The following MPP7 variants were observed in gnomAD, a reference collection of about 807,000 sequenced individuals.
MPP7 encodes the protein MAGUK p55 scaffold protein 7.
Under a neutral mutation model 76.5 loss-of-function variants are expected in MPP7, and 60 were observed. That is an observed-to-expected ratio of 0.78 (90% CI 0.64 to 0.97). The LOEUF is 0.97. Among genes scored for constraint, MPP7 ranks in the 50% least tolerant of loss-of-function variants. The pLI is 0.00. For missense variants in MPP7, 641 were observed against 694.0 expected (o/e 0.92, Z 0.86); for synonymous variants, 237 against 244.5 (o/e 0.97, Z 0.29).
chr10:28,272,317 G>A (rs1430564717), intron 1 of MPP7, among the ~76,000 whole-genome samples: 1 of 152,092 alleles, frequency 6.6e-6, no homozygotes, highest in Admixed American at 6.6e-5. Flanking sequence ...ATTTACACAG[G>A]TGTGTCCAAT....
At chr10:28,238,447 A>G in intron 2 of MPP7, 121 bp downstream of exon 2, 3 of 1,007,518 alleles carry the variant, frequency 3.0e-6, no homozygotes, top group Admixed American at 2.0e-5. Flanking sequence ...TTATGTCCCT[A>G]GTGTTGGTGA....
At chr10:28,279,244 A>G (rs1840595579) in intron 1 of MPP7, among the ~76,000 whole-genome samples, 1 of 152,050 alleles carries the variant, frequency 6.6e-6, no homozygotes, top group African/African-American at 2.4e-5. Flanking sequence ...GAAGCTACTA[A>G]AAGTTCTCCC....
chr10:28,211,398 C>T (rs1376250398), intron 2 of MPP7, among the ~76,000 whole-genome samples: 1 of 151,994 alleles, frequency 6.6e-6, no homozygotes. Context: ...TTTAGATACT[C>T]TGATGCTTTG....
At chr10:28,127,573 C>T (rs1438497260) in intron 6 of MPP7, among the ~76,000 whole-genome samples, 1 of 152,130 alleles carries the variant, frequency 6.6e-6, no homozygotes, top group Non-Finnish European at 1.5e-5. Flanking sequence ...AGAGCTTGTG[C>T]AGGGAAACTC....
At chr10:28,129,362 G>T (rs1835120749) in intron 6 of MPP7, among the ~76,000 whole-genome samples, 1 of 151,974 alleles carries the variant, frequency 6.6e-6, no homozygotes, top group African/African-American at 2.4e-5. Flanking sequence ...ACAGAGTATG[G>T]AGAATTTCAA....
intron 5 of MPP7, among the ~76,000 whole-genome samples, chr10:28,141,517 TTAC>T (rs1173528374): frequency 1.3e-5 from 2 of 152,122 alleles, no homozygotes; most frequent in African/African-American, 4.8e-5. Flanking sequence ...ATTAACATGT[TTAC>T]TGTATAGAAA....
At chr10:28,307,979 C>A (rs1841268469), upstream of MPP7, among the ~76,000 whole-genome samples, 1 of 152,168 alleles carries the variant, frequency 6.6e-6, no homozygotes, top group Admixed American at 6.5e-5. Context: ...TTCTTAGAGA[C>A]CTGTACTTGA....
At chr10:28,233,969 A>T (rs1213782765) in intron 2 of MPP7, among the ~76,000 whole-genome samples, 1 of 151,936 alleles carries the variant, frequency 6.6e-6, no homozygotes, top group Non-Finnish European at 1.5e-5. Flanking sequence ...GAGAGGAAGG[A>T]GGAGAGAAAA....
chr10:28,307,718 T>A (rs1188139370), upstream of MPP7: 1 of 152,210 alleles, frequency 6.6e-6, no homozygotes, highest in Non-Finnish European at 1.5e-5. Context: ...TCAAGCTTCA[T>A]TCACAGTTAA....
intron 12 of MPP7, among the ~76,000 whole-genome samples, chr10:28,089,009 C>T (rs1183412819): frequency 1.3e-5 from 2 of 152,048 alleles, no homozygotes; most frequent in East Asian, 1.9e-4. Context: ...CTGAGTAGCT[C>T]GGACTACAGG....
chr10:28,118,578 T>TTC, intron 11 of MPP7: 1 of 985,400 alleles, frequency 1.0e-6, no homozygotes, highest in Non-Finnish European at 1.2e-6. Context: ...GTCATCACGC[T>TTC]TAAGAACAGT....
At chr10:28,079,426 G>A (rs957217998) in intron 12 of MPP7, among the ~76,000 whole-genome samples, 2 of 151,678 alleles carry the variant, frequency 1.3e-5, no homozygotes, top group Admixed American at 6.6e-5. Context: ...GCTGAGACAG[G>A]AAGATCACCT....
chr10:28,303,837 A>G (rs533996187), upstream of MPP7, among the ~76,000 whole-genome samples: 1 of 152,312 alleles, frequency 6.6e-6, no homozygotes, highest in Admixed American at 6.5e-5. Context: ...CAGCTCTCTT[A>G]AAGAACTTTA....
intron 11 of MPP7, among the ~76,000 whole-genome samples, chr10:28,091,592 A>G (rs1165692895): frequency 6.6e-6 from 1 of 152,172 alleles, no homozygotes; most frequent in East Asian, 1.9e-4. Context: ...CCAGCCATAG[A>G]TATCTTTTTT....
intron 1 of MPP7, among the ~76,000 whole-genome samples, chr10:28,269,236 G>T (rs532099325): frequency 6.6e-6 from 1 of 152,312 alleles, no homozygotes; most frequent in East Asian, 1.9e-4. Context: ...CTCCAGCAAA[G>T]AATAGAAAAG....
At chr10:28,267,125 C>T (rs1840172126) in intron 1 of MPP7, among the ~76,000 whole-genome samples, 1 of 152,174 alleles carries the variant, frequency 6.6e-6, no homozygotes, top group South Asian at 2.1e-4. Flanking sequence ...TATTGAAACA[C>T]AGCCAAGTTC....
intron 2 of MPP7, among the ~76,000 whole-genome samples, chr10:28,206,413 AATT>A (rs1192042669): frequency 7.9e-5 from 12 of 152,058 alleles, no homozygotes; most frequent in Admixed American, 2.0e-4. Context: ...ATACCTAATT[AATT>A]ATTAACATCT....
chr10:28,228,443 C>T (rs969532739), intron 2 of MPP7, among the ~76,000 whole-genome samples: 4 of 152,098 alleles, frequency 2.6e-5, no homozygotes, highest in Admixed American at 6.6e-5. Context: ...ACAACTTGAA[C>T]ATGGGCCAAA....
At chr10:28,190,472 C>T (rs1312978027) in intron 3 of MPP7, among the ~76,000 whole-genome samples, 6 of 152,180 alleles carry the variant, frequency 3.9e-5, no homozygotes, top group Non-Finnish European at 8.8e-5. Flanking sequence ...AACCATACAG[C>T]ATGTGCTTTC....
Sources: allele counts gnomAD v4.1 joint callset (sites outside exome capture counted in the v4.1 genomes callset), GRCh38; gene constraint gnomAD v4.1.1; transcripts MANE v1.5; gene names NCBI Gene and HGNC (gene_info 2026-07-23, HGNC 2026-07-21).